The following OLAH variants were observed in gnomAD, a reference collection of about 807,000 sequenced individuals.
The protein encoded by OLAH is S-acyl fatty acid synthase thioesterase, medium chain.
OLAH carries 33 observed loss-of-function variants against 27.8 expected under a neutral mutation model. The ratio of observed to expected loss-of-function variants is 1.19; its 90% confidence interval spans 0.90 to 1.59. OLAH has a LOEUF of 1.59. OLAH is among the 40% of genes most tolerant of loss of function. OLAH has a pLI of 0.00. For missense variants in OLAH, 359 were observed against 310.8 expected (o/e 1.16, Z -1.17); for synonymous variants, 120 against 102.9 (o/e 1.17, Z -1.01).
At chr10:15,045,637 C>T (rs17354933) in intron 1 of OLAH, among the ~76,000 whole-genome samples, 1 of 152,106 alleles carries the variant, frequency 6.6e-6, no homozygotes, top group African/African-American at 2.4e-5. Context: ...TAAAAATGCC[C>T]TCCACTGCAT....
At chr10:15,045,625 C>T (rs549210732) in intron 1 of OLAH, among the ~76,000 whole-genome samples, 29 of 152,218 alleles carry the variant, frequency 1.9e-4, no homozygotes, top group African/African-American at 7.0e-4. Flanking sequence ...TCTTTCTGTT[C>T]CTAAAAATGC....
chr10:15,059,846 C>G (rs981316525), intron 3 of OLAH, among the ~76,000 whole-genome samples: 4 of 152,082 alleles, frequency 2.6e-5, no homozygotes, highest in African/African-American at 7.2e-5. Context: ...TTGCCATTAC[C>G]TTTGTATCTA....
chr10:15,058,001 T>C (rs548993498), intron 3 of OLAH, among the ~76,000 whole-genome samples: 4 of 152,336 alleles, frequency 2.6e-5, no homozygotes, highest in African/African-American at 9.6e-5. Context: ...ATATTTTAAG[T>C]CCTTTGCATT....
At chr10:15,043,138 G>C (rs1843951957), upstream of OLAH, among the ~76,000 whole-genome samples, 1 of 151,948 alleles carries the variant, frequency 6.6e-6, no homozygotes, top group South Asian at 2.1e-4. Context: ...GGGATTACAG[G>C]TGTGAGCCAC....
chr10:15,059,105 C>T, intron 3 of OLAH, among the ~76,000 whole-genome samples: 1 of 39,920 alleles, frequency 2.5e-5, no homozygotes. Context: ...CCCTCCCTCT[C>T]TCCTTCCCTC....
chr10:15,056,525 CAAGT>C (rs1355535959), intron 3 of OLAH, among the ~76,000 whole-genome samples: 2 of 152,300 alleles, frequency 1.3e-5, no homozygotes, highest in East Asian at 3.9e-4. Flanking sequence ...ACCCTTATTA[CAAGT>C]AAGATTAGAC....
intron 3 of OLAH, among the ~76,000 whole-genome samples, chr10:15,057,876 G>A (rs1477870246): frequency 6.6e-6 from 1 of 152,104 alleles, no homozygotes; most frequent in Non-Finnish European, 1.5e-5. Context: ...CGATCTATAC[G>A]TCTATGTTTA....
chr10:15,061,977 TG>T, intron 4 of OLAH, 115 bp downstream of exon 4: 1 of 916,192 alleles, frequency 1.1e-6, no homozygotes, highest in South Asian at 2.5e-5. Flanking sequence ...TTAGACAGCA[TG>T]TTAGGTAATT....
At chr10:15,055,194 A>G (rs1844223505) in intron 3 of OLAH, among the ~76,000 whole-genome samples, 1 of 152,130 alleles carries the variant, frequency 6.6e-6, no homozygotes, top group Non-Finnish European at 1.5e-5. Flanking sequence ...TTTGATTTAT[A>G]CTTTCTATAT....
At chr10:15,054,805 A>G (rs1341894308) in intron 3 of OLAH, among the ~76,000 whole-genome samples, 5 of 152,006 alleles carry the variant, frequency 3.3e-5, no homozygotes, top group African/African-American at 1.2e-4. Flanking sequence ...ATTTCTGTCC[A>G]CTATTCTGTC....
chr10:15,044,716 T>G (rs2131336696), intron 1 of OLAH, among the ~76,000 whole-genome samples: 1 of 152,332 alleles, frequency 6.6e-6, no homozygotes, highest in Non-Finnish European at 1.5e-5. Context: ...GGGTATAGAA[T>G]TCTAATTTGG....
rs961080377 is a variant in OLAH, at chr10:15,073,520, C to A, written c.*291C>A. 6 of 225,932 alleles carry A rather than the reference C, an allele frequency of 2.7e-5. 1 individual carries two copies. Among genetic ancestry groups the A allele is most frequent in the African/African-American group, 4.7e-5 (2 of 42,208 alleles). The allele number at this position is 225,932 out of a possible 1,614,324, so 14.0% of individuals were successfully genotyped here. A position where few individuals can be genotyped will look rare whatever the true frequency, so the allele number is the denominator to read the frequency against. On this transcript the variant is annotated 3_prime_UTR_variant, in exon 8 of 8. Coordinates refer to ENST00000378228, the MANE Select transcript of OLAH (RefSeq NM_001039702.3). ...CTAAAAATACACAAAATTAGCCGGG[C>A]GTGGTGGTGGGCACCTGTAGTCCCA...
chr10:15,064,931 A>G (rs1230224323), intron 5 of OLAH, among the ~76,000 whole-genome samples: 2 of 152,212 alleles, frequency 1.3e-5, no homozygotes, highest in African/African-American at 2.4e-5. Flanking sequence ...TGCTGGGATT[A>G]CAGGTGTGAG....
At chr10:15,034,095 C>A (rs1346233823) in intron 1 of OLAH, among the ~76,000 whole-genome samples, 1 of 145,004 alleles carries the variant, frequency 6.9e-6, no homozygotes, top group African/African-American at 2.6e-5. Context: ...AAAGGGCAGA[C>A]TCCACCATTT....
chr10:15,056,814 T>G, intron 3 of OLAH: 2 of 1,464,942 alleles, frequency 1.4e-6, no homozygotes, highest in Non-Finnish European at 1.8e-6. Flanking sequence ...TTTATTTTAT[T>G]TTTTTGTAGA....
At chr10:15,049,872 A>T in intron 3 of OLAH, 107 bp downstream of exon 3, 2 of 1,058,698 alleles carry the variant, frequency 1.9e-6, no homozygotes, top group Non-Finnish European at 2.7e-6. Flanking sequence ...GGTAATTGAT[A>T]ATAAACTTTC....
At chr10:15,060,613 T>C (rs1042571005) in intron 3 of OLAH, among the ~76,000 whole-genome samples, 4 of 152,114 alleles carry the variant, frequency 2.6e-5, no homozygotes, top group African/African-American at 9.7e-5. Context: ...TCCATTTGGG[T>C]CTTTTAAAAA....
At chr10:15,045,950 G>A (rs1342607233) in intron 1 of OLAH, among the ~76,000 whole-genome samples, 1 of 152,186 alleles carries the variant, frequency 6.6e-6, no homozygotes, top group African/African-American at 2.4e-5. Context: ...GGAATTGCCT[G>A]AACCTGGGAG....
chr10:15,062,969 C>T (rs1203663787), intron 4 of OLAH, among the ~76,000 whole-genome samples: 1 of 152,066 alleles, frequency 6.6e-6, no homozygotes, highest in African/African-American at 2.4e-5. Context: ...AAACTGCTGA[C>T]CTCGAGTGAT....
Sources: allele counts gnomAD v4.1 joint callset (sites outside exome capture counted in the v4.1 genomes callset), GRCh38; gene constraint gnomAD v4.1.1; transcripts MANE v1.5; gene names NCBI Gene and HGNC (gene_info 2026-07-23, HGNC 2026-07-21).